The following AAK1 variants were observed in gnomAD, a reference collection of about 807,000 sequenced individuals.
The protein encoded by AAK1 is AP2-associated protein kinase 1.
AAK1 carries 37 observed loss-of-function variants against 116.0 expected under a neutral mutation model. The ratio of observed to expected loss-of-function variants is 0.32; its 90% CI spans 0.25 to 0.42. The LOEUF (loss-of-function observed/expected upper bound fraction) is 0.42. Among genes scored for constraint, AAK1 ranks in the 10% least tolerant of loss-of-function variants. The pLI is 1.00. For missense variants in AAK1, 919 were observed against 1,170.6 expected, an observed-to-expected ratio of 0.79 and a Z score of 3.14; for synonymous variants, 458 against 439.9, an observed-to-expected ratio of 1.04 and a Z score of -0.51.
intron 2 of AAK1, among the ~76,000 whole-genome samples, chr2:69,603,959 T>A (rs1446059958): frequency 2.0e-5 from 3 of 152,226 alleles, no homozygotes; most frequent in Non-Finnish European, 4.4e-5. Flanking sequence ...TTTCCGATAA[T>A]AAGAGATATA....
chr2:69,512,065 T>C (rs764653974), intron 13 of AAK1, among the ~76,000 whole-genome samples: 2 of 152,198 alleles, frequency 1.3e-5, no homozygotes, highest in Non-Finnish European at 2.9e-5. Context: ...GCAGAGCCCA[T>C]GTCTCCTGAC....
In AAK1 at chr2:69,490,991, G is replaced by A. The variant is rs377266559; in HGVS notation, c.2365+4994C>T. Among the ~76,000 whole-genome samples, 28 of 152,054 alleles carry A rather than the reference G, an allele frequency of 1.8e-4. No homozygotes were observed. In the East Asian group the frequency reaches 4.1e-3, roughly 22 times the overall value. The stretch of plus-strand genomic sequence containing the variant: ...CACTCTGTCACACCCAGGCTAGAGT[G>A]TAGTAGTGTGATCATAGCTCATTGC... On this transcript the variant is annotated intron_variant, in intron 17 of 21. Coordinates refer to ENST00000409085, the MANE Select transcript of AAK1 (RefSeq NM_014911.5).
At chr2:69,524,934 TG>T in intron 10 of AAK1, 98 bp downstream of exon 10, 1 of 1,191,116 alleles carries the variant, frequency 8.4e-7, no homozygotes, top group Non-Finnish European at 1.2e-6. Context: ...GTGCAGCCCC[TG>T]GTCATGACAG....
chr2:69,525,260 G>A, intron 9 of AAK1, 148 bp from the exon 10 acceptor site: 2 of 699,354 alleles, frequency 2.9e-6, no homozygotes, highest in Non-Finnish European at 4.7e-6. Context: ...GCTCTGTCTG[G>A]TAGAGGGAAG....
intron 16 of AAK1, chr2:69,499,977 G>A (rs919134702): frequency 6.6e-6 from 1 of 152,180 alleles, no homozygotes; most frequent in Non-Finnish European, 1.5e-5. Context: ...AAATAAAGAG[G>A]CACCATGTGA....
chr2:69,524,160 T>C (rs922687082), intron 10 of AAK1, among the ~76,000 whole-genome samples: 3 of 152,152 alleles, frequency 2.0e-5, no homozygotes, highest in African/African-American at 7.2e-5. Context: ...GTTGGAGCCA[T>C]AGAAAGTAAG....
intron 3 of AAK1, among the ~76,000 whole-genome samples, chr2:69,544,997 C>T (rs562915270): frequency 6.6e-5 from 10 of 151,680 alleles, no homozygotes; most frequent in Middle Eastern, 3.4e-3. Flanking sequence ...TTAAATAGTT[C>T]GTACTGTTTT....
Position 69,583,480 on chromosome 2 carries a change from G to A in AAK1, c.164-26502C>T, listed in dbSNP as rs576435289. On this transcript the variant is annotated intron_variant, in intron 2 of 21. Transcript: ENST00000409085. ...ATAGGCACATTTTTGAAACCTGAAG[G>A]CAAAGAGATTTTCTGTTAAAGATTC... 1.6e-4 allele frequency among the ~76,000 whole-genome samples: 25 copies of A among 152,258 alleles called. 2 individuals are homozygous for A. Among genetic ancestry groups the A allele is most frequent in the Admixed American group, 1.2e-3 (18 of 15,298 alleles).
Position 69,509,373 on chromosome 2 carries a change from G to T in AAK1, c.1864C>A (p.Pro622Thr). The T allele has an allele frequency of 1.2e-6, 2 of 1,614,036 alleles. No individual in the cohort carries two copies. The highest frequency in any genetic ancestry group is 1.7e-6 in the Non-Finnish European group (2 of 1,179,904). Residue 622 changes from proline to threonine, a missense_variant, in exon 14 of 22, where the codon CCC (proline) becomes ACC (threonine). By Grantham distance (38) the Pro-to-Thr change is conservative. Around this residue, in one of 4 missense-constraint regions of AAK1, gnomAD observed 125 missense variants for 184.1 expected, o/e 0.68. Coordinates refer to ENST00000409085, the MANE Select transcript of AAK1 (RefSeq NM_014911.5). ...GCACGTTGGGTTTTGGGGGATGAGG[G>T]TGGAGTGAGAGATCCAACTTTCTGC... The part of the protein sequence containing the change: ...QGQKVGSLTP[P>T]SSPKTQRAGH...
chr2:69,483,199 A>T (rs1022968024), intron 17 of AAK1, among the ~76,000 whole-genome samples: 5 of 152,120 alleles, frequency 3.3e-5, no homozygotes, highest in Non-Finnish European at 5.9e-5. Flanking sequence ...ACCTGAGAAA[A>T]TTCCTTCATA....
intron 10 of AAK1, among the ~76,000 whole-genome samples, chr2:69,523,642 C>A (rs1051609731): frequency 1.3e-5 from 2 of 152,196 alleles, no homozygotes; most frequent in Non-Finnish European, 2.9e-5. Flanking sequence ...GGCAGCCATG[C>A]GAAAGTGCTT....
rs1457216845 is a variant in AAK1, at chr2:69,519,247, T to C, written c.1211-7A>G. 5 of 1,559,756 alleles carry C rather than the reference T, an allele frequency of 3.2e-6. No individual in the cohort carries two copies. The highest frequency in any genetic ancestry group is 4.6e-5 in the East Asian group (2 of 43,208). On this transcript the variant is annotated splice_region_variant and splice_polypyrimidine_tract_variant and intron_variant, in intron 11 of 21. Transcript: ENST00000409085. ...CCAGGCTGATTGCTGGATCCTGCAA[T>C]GAGAATAAAGTCCATGTAAGGGTTC...
At chr2:69,590,089 T>C in intron 2 of AAK1, among the ~76,000 whole-genome samples, 1 of 152,170 alleles carries the variant, frequency 6.6e-6, no homozygotes, top group Non-Finnish European at 1.5e-5. Context: ...GAAGATAAGC[T>C]GGGAGCTTCA....
chr2:69,596,304 T>C (rs896669445), intron 2 of AAK1, among the ~76,000 whole-genome samples: 1 of 151,398 alleles, frequency 6.6e-6, no homozygotes. Context: ...CACTGAGACC[T>C]TGGCCTCCCA....
In AAK1 at chr2:69,474,919, T is replaced by C; in HGVS notation, c.*950A>G. On this transcript the variant is annotated 3_prime_UTR_variant, in exon 22 of 22. Transcript: ENST00000409085. ...TACAATATTTGATTCAAAATAAAAA[T>C]CACAAGAAAAATACATCTGTTTCTG... 1 of 985,534 alleles carries C rather than the reference T, an allele frequency of 1.0e-6. No homozygotes were observed. The highest frequency in any genetic ancestry group is 1.2e-6 in the Non-Finnish European group (1 of 829,906). The allele number at this position is 985,534 out of a possible 1,614,324, so 61.0% of individuals were successfully genotyped here.
intron 16 of AAK1, chr2:69,499,899 G>C (rs986309781): frequency 4.6e-5 from 7 of 151,968 alleles, no homozygotes; most frequent in Non-Finnish European, 8.8e-5. Flanking sequence ...TCTTTACTTT[G>C]GGCCTTATTC....
intron 2 of AAK1, among the ~76,000 whole-genome samples, chr2:69,596,761 G>A (rs908343081): frequency 6.6e-6 from 1 of 152,200 alleles, no homozygotes; most frequent in African/African-American, 2.4e-5. Context: ...GTGAGTGCTG[G>A]AGAAGGAGCC....
chr2:69,509,449 T>C lies in AAK1; in HGVS notation c.1788A>G (p.Pro596=), dbSNP rs765592206. ...APAQEPAIQA[P]VRQQPKVQTT... is the part of the protein sequence containing the mutation. The stretch of plus-strand genomic sequence containing the variant: ...TCTGAACCTTTGGCTGTTGTCTTAC[T>C]GGGGCTTGAATCTGCTAGGAAGAGA... Residue 596 remains proline, a synonymous_variant, in exon 14 of 22, where the codon CCA becomes CCG. Transcript: ENST00000409085. The C allele has an allele frequency of 3.1e-6, 5 of 1,613,440 alleles. No individual in the cohort carries two copies. In the African/African-American group the frequency reaches 5.3e-5, roughly 17 times the overall value.
chr2:69,564,036 A>T (rs1671760545), intron 2 of AAK1, among the ~76,000 whole-genome samples: 1 of 152,068 alleles, frequency 6.6e-6, no homozygotes, highest in Non-Finnish European at 1.5e-5. Context: ...TACTAAAAAT[A>T]CAAAAATTAG....
Sources: gnomAD v4.1 joint callset for allele counts (sites outside exome capture counted in the v4.1 genomes callset) on GRCh38, gnomAD v4.1.1 for gene constraint, gnomAD v4.1.1 regional missense constraint, MANE v1.5 for transcripts, NCBI Gene and HGNC (gene_info 2026-07-23, HGNC 2026-07-21) for gene names.